The following GDE1 variants were observed in gnomAD, a reference collection of about 807,000 sequenced individuals.
GDE1 encodes the protein RGS16-interacting membrane protein.
Under a neutral mutation model 32.2 loss-of-function variants are expected in GDE1, and 24 were observed. The ratio of observed to expected loss-of-function variants is 0.75; its 90% CI spans 0.54 to 1.05. The LOEUF (loss-of-function observed/expected upper bound fraction) is 1.05, where lower values mean the gene tolerates loss of function less well. Ranked by LOEUF, GDE1 falls within the 50% of genes least tolerant of loss-of-function variation. The pLI is 0.00. For missense variants in GDE1, 380 were observed against 415.0 expected, an observed-to-expected ratio of 0.92 and a Z score of 0.73; for synonymous variants, 159 against 158.6, an observed-to-expected ratio of 1.00 and a Z score of -0.02.
intron 1 of GDE1, among the ~76,000 whole-genome samples, chr16:19,519,502 A>G (rs889874585): frequency 1.3e-5 from 2 of 151,792 alleles, no homozygotes; most frequent in Non-Finnish European, 2.9e-5. Flanking sequence ...AGATTACAAT[A>G]TAGTGTAAAC....
chr16:19,513,477 A>T lies in GDE1; in HGVS notation c.438-2533T>A, dbSNP rs190595337. ...TGATTTTATATCCTGCAATTTTACT[A>T]AATTTGTTTATCAGTTTTAACAGTT... On this transcript the variant is annotated intron_variant, in intron 2 of 5. Coordinates refer to ENST00000353258, the MANE Select transcript of GDE1 (RefSeq NM_016641.4). 2.2e-4 allele frequency among the ~76,000 whole-genome samples: 33 copies of T among 152,154 alleles called. No homozygotes were observed. The East Asian group carries it at 4.8e-3, about 22-fold the overall frequency.
chr16:19,517,761 A>G lies in GDE1; in HGVS notation c.262-572T>C, dbSNP rs1428168269. ...TGATGAGGTAGATTAGAATTTATCT[A>G]AAAAGAGAATTTGAACCTTAAATTA... is the stretch of plus-strand genomic sequence containing the variant. On this transcript the variant is annotated intron_variant, in intron 1 of 5. Coordinates refer to ENST00000353258, the MANE Select transcript of GDE1 (RefSeq NM_016641.4). Among the ~76,000 whole-genome samples the G allele has an allele frequency of 2.6e-5, 4 of 152,238 alleles. No individual in the cohort carries two copies. The East Asian group carries it at 5.8e-4, about 22-fold the overall frequency.
intron 5 of GDE1, 63 bp downstream of exon 5, chr16:19,504,814 ATCCT>A (rs1969223830): frequency 9.8e-7 from 1 of 1,016,110 alleles, no homozygotes. Context: ...TACTCTGTTA[ATCCT>A]TCCTTTCAAA....
At chr16:19,519,449 CATATATAT>C (rs111659244) in intron 1 of GDE1, among the ~76,000 whole-genome samples, 30 of 146,866 alleles carry the variant, frequency 2.0e-4, no homozygotes, top group African/African-American at 2.3e-4. Flanking sequence ...TGTGTATGTG[CATATATAT>C]ATATATATAT....
chr16:19,504,748 G>A, intron 5 of GDE1, 133 bp downstream of exon 5: 2 of 623,850 alleles, frequency 3.2e-6, no homozygotes, highest in Admixed American at 6.3e-5. Flanking sequence ...AGCGAAATTG[G>A]TAATCCAATT....
chr16:19,515,187 G>C lies in GDE1; in HGVS notation c.437+1827C>G, dbSNP rs1001135609. 7.9e-5 allele frequency among the ~76,000 whole-genome samples: 12 copies of C among 151,824 alleles called. No individual in the cohort carries two copies. In the East Asian group the frequency reaches 2.1e-3, roughly 27 times the overall value. ...GGAGACCTGAATTTGTTATTCCTTTGGCTGATCTTAGTTTCCTCCTTATCC... is the reference window on the plus strand; with the variant it reads ...GGAGACCTGAATTTGTTATTCCTTTCGCTGATCTTAGTTTCCTCCTTATCC... On this transcript the variant is annotated intron_variant, in intron 2 of 5. Transcript: ENST00000353258.
In GDE1 at chr16:19,504,903, T is replaced by C. The variant is rs1309765774; in HGVS notation, c.826A>G (p.Met276Val). Reference sequence around the variant, plus strand: ...TACGGGGATACAAAATCCTTTTGCATGAGGAAAGCTGAAATTCCACACAGG... The same window carrying C: ...TACGGGGATACAAAATCCTTTTGCACGAGGAAAGCTGAAATTCCACACAGG... ...WYLCGISAFL[M>V]QKDFVSPAYL... Residue 276 changes from methionine (M) to valine (V), a missense_variant, in exon 5 of 6, where the codon ATG becomes GTG. Transcript: ENST00000353258. The C allele has an allele frequency of 3.1e-6, 5 of 1,611,878 alleles. No homozygotes were observed. Among genetic ancestry groups the C allele is most frequent in the African/African-American group, 1.3e-5 (1 of 74,990 alleles).
intron 4 of GDE1, among the ~76,000 whole-genome samples, chr16:19,506,874 C>T (rs1969254100): frequency 6.6e-6 from 1 of 152,062 alleles, no homozygotes; most frequent in Non-Finnish European, 1.5e-5. Context: ...TGGCTCATGC[C>T]TGTAATCCCA....
At chr16:19,519,284 A>G (rs1427607523) in intron 1 of GDE1, among the ~76,000 whole-genome samples, 4 of 152,178 alleles carry the variant, frequency 2.6e-5, no homozygotes, top group Non-Finnish European at 5.9e-5. Context: ...AAAGACAGGG[A>G]AAGATTCCAG....
chr16:19,506,540 T>G lies in GDE1; in HGVS notation c.636+1147A>C, dbSNP rs146469151. 1.6e-3 allele frequency among the ~76,000 whole-genome samples: 247 copies of G among 152,132 alleles called. 4 individuals carry two copies. The East Asian group carries it at 0.033, about 21-fold the overall frequency. On this transcript the variant is annotated intron_variant, in intron 4 of 5. Coordinates refer to ENST00000353258, the MANE Select transcript of GDE1 (RefSeq NM_016641.4). ...GGTGGTGTGTGCTTGTAATCCCAGC[T>G]ACTCAGGAGGCTGAGGCAAGAGAAT...
chr16:19,505,538 G>A (rs924102497), intron 4 of GDE1, among the ~76,000 whole-genome samples: 2 of 152,152 alleles, frequency 1.3e-5, no homozygotes, highest in African/African-American at 4.8e-5. Flanking sequence ...GGTGAGGAGG[G>A]GGATGGGGAA....
rs1969389056 is a variant in GDE1 at position 19,517,030 on chromosome 16, C to T, written c.421G>A (p.Ala141Thr). ...ACTACTTACCTGAGTCTGTGGTTTG[C>T]TGCAGGATTCAGCTTCCTAATTTGT... is the stretch of plus-strand genomic sequence containing the variant. Reference protein sequence around the residue: ...FEQIRKLNPAANHRLRNDFPD... With the variant: ...FEQIRKLNPATNHRLRNDFPD... Residue 141 changes from alanine to threonine, a missense_variant, in exon 2 of 6, where the codon GCA becomes ACA. Ala to Thr is a moderately conservative substitution (Grantham distance 58). Transcript: ENST00000353258. The T allele has an allele frequency of 1.2e-6, 2 of 1,614,040 alleles. No individual in the cohort carries two copies. Among genetic ancestry groups the T allele is most frequent in the Non-Finnish European group, 1.7e-6 (2 of 1,179,926 alleles).
intron 3 of GDE1, among the ~76,000 whole-genome samples, chr16:19,510,461 T>A (rs1969303391): frequency 6.6e-6 from 1 of 152,208 alleles, no homozygotes; most frequent in African/African-American, 2.4e-5. Flanking sequence ...TTAAGCTAGA[T>A]AAAATTGGTC....
chr16:19,507,159 A>C (rs1250220534), intron 4 of GDE1, among the ~76,000 whole-genome samples: 3 of 151,154 alleles, frequency 2.0e-5, no homozygotes, highest in Non-Finnish European at 2.9e-5. Context: ...TAAATAAATA[A>C]ATAAATAAAT....
intron 2 of GDE1, among the ~76,000 whole-genome samples, chr16:19,516,585 T>C (rs1969383279): frequency 6.6e-6 from 1 of 152,226 alleles, no homozygotes; most frequent in African/African-American, 2.4e-5. Flanking sequence ...ATTTCTAGGA[T>C]ACTCTCTATT....
intron 5 of GDE1, chr16:19,504,597 C>G (rs1969220469): frequency 3.3e-6 from 1 of 298,624 alleles, no homozygotes; most frequent in Non-Finnish European, 6.3e-6. Flanking sequence ...TTCAAAAAAA[C>G]CAGTCACAGA....
At chr16:19,504,714 T>C (rs1043922875) in intron 5 of GDE1, 167 bp downstream of exon 5, 2 of 591,054 alleles carry the variant, frequency 3.4e-6, no homozygotes, top group African/African-American at 3.7e-5. Context: ...CAGTGAAATA[T>C]GCCTGAACTC....
intron 1 of GDE1, among the ~76,000 whole-genome samples, chr16:19,519,664 T>TA (rs1321192574): frequency 1.3e-5 from 2 of 152,162 alleles, no homozygotes; most frequent in Non-Finnish European, 2.9e-5. Context: ...TTCATCTTTT[T>TA]ATCTCAATTA....
intron 3 of GDE1, 111 bp downstream of exon 3, chr16:19,510,728 A>G: frequency 2.0e-6 from 1 of 490,236 alleles, no homozygotes; most frequent in East Asian, 3.3e-5. Flanking sequence ...TACAATTTAT[A>G]AAAATAAGTT....
Sources: allele counts gnomAD v4.1 joint callset (sites outside exome capture counted in the v4.1 genomes callset), GRCh38; gene constraint gnomAD v4.1.1; transcripts MANE v1.5; gene names NCBI Gene and HGNC (gene_info 2026-07-23, HGNC 2026-07-21).